The following RARA variants were observed in gnomAD, a reference collection of about 807,000 sequenced individuals.
RARA encodes the protein retinoic acid receptor alpha, also known as PML-DDX5-RARA fusion.
A neutral mutation model predicts 42.8 loss-of-function variants in RARA; 5 were observed. That is an observed-to-expected ratio of 0.12 (90% CI 0.06 to 0.25). RARA has a LOEUF of 0.25. RARA is among the 10% of genes least tolerant of loss of function. The probability of loss-of-function intolerance (pLI) is 1.00; values close to 1 mark genes in which losing one functional copy is unlikely to be tolerated. For missense variants in RARA, 402 were observed against 628.7 expected (o/e 0.64, Z 3.86); for synonymous variants, 256 against 259.5 (o/e 0.99, Z 0.13).
At chr17:40,353,711 C>T (rs959393094) in intron 6 of RARA, among the ~76,000 whole-genome samples, 2 of 152,170 alleles carry the variant, frequency 1.3e-5, no homozygotes, top group Non-Finnish European at 2.9e-5. Flanking sequence ...CCGCGTGAGC[C>T]GGCAGACTGT....
At chr17:40,347,231 G>T (rs2034295924) in intron 2 of RARA, among the ~76,000 whole-genome samples, 1 of 152,152 alleles carries the variant, frequency 6.6e-6, no homozygotes, top group Non-Finnish European at 1.5e-5. Context: ...TGTCTACCTA[G>T]GGAGGCATCC....
intron 4 of RARA, chr17:40,350,194 G>C (rs753028025): frequency 6.0e-5 from 29 of 485,106 alleles, no homozygotes; most frequent in Non-Finnish European, 1.0e-4. Flanking sequence ...GTGTGTGCTT[G>C]CGTATGTGTG....
chr17:40,324,674 G>C (rs1192218158), intron 1 of RARA, among the ~76,000 whole-genome samples: 4 of 152,144 alleles, frequency 2.6e-5, no homozygotes, highest in Admixed American at 1.3e-4. Context: ...TGGAGTACAA[G>C]CTGTGGAGAC....
In RARA at chr17:40,345,005, G is replaced by C. The variant is rs1424759510; in HGVS notation, c.179-3311G>C. 6.6e-6 allele frequency among the ~76,000 whole-genome samples: 1 copy of C among 152,212 alleles called. No individual in the cohort carries two copies. Among genetic ancestry groups the C allele is most frequent in the Non-Finnish European group, 1.5e-5 (1 of 68,020 alleles). ...ACTGCCACTGAAGGTGGGAAGAGCA[G>C]GTTGGCTCTGGGAGGAGGTGGCCTG... On this transcript the variant is annotated intron_variant, in intron 2 of 8. Transcript: ENST00000254066. The surrounding 1 kb of genome is among the most constrained non-coding windows in gnomAD (Gnocchi z 4.8).
intron 2 of RARA, among the ~76,000 whole-genome samples, chr17:40,338,337 G>A: frequency 6.6e-6 from 1 of 152,174 alleles, no homozygotes; most frequent in East Asian, 1.9e-4. Context: ...GCGAGGGATT[G>A]GGCCTCCCAG....
At position 40,331,175 on chromosome 17, in the gene RARA, C is replaced by A. The variant is rs1567751254; in HGVS notation, c.-44C>A. 10 of 1,550,422 alleles carry A rather than the reference C, an allele frequency of 6.4e-6. No homozygotes were observed. Among genetic ancestry groups the A allele is most frequent in the Non-Finnish European group, 8.7e-6 (10 of 1,148,980 alleles). The stretch of plus-strand genomic sequence containing the variant: ...GGGTGGTCTGAAGCCCACCAGAGCC[C>A]CCTGCCAGACTGTCTGCCTCCCTTC... On this transcript the variant is annotated 5_prime_UTR_variant, in exon 2 of 9. Transcript: ENST00000254066.
Position 40,320,677 on chromosome 17 carries a change from C to G in RARA, c.-362-10180C>G, listed in dbSNP as rs1338876996. On this transcript the variant is annotated intron_variant, in intron 1 of 8. Coordinates refer to ENST00000254066, the MANE Select transcript of RARA (RefSeq NM_000964.4). The surrounding 1 kb of genome is among the most constrained non-coding windows in gnomAD (Gnocchi z 4.1). ...TGTCCCAAAATACAAACCCCAATGC[C>G]CAGTTTCCAGTCCTCTTGGAAGCAT... is the stretch of plus-strand genomic sequence containing the variant. 1.3e-5 allele frequency among the ~76,000 whole-genome samples: 2 copies of G among 152,184 alleles called. No individual in the cohort carries two copies. Among genetic ancestry groups the G allele is most frequent in the Non-Finnish European group, 2.9e-5 (2 of 68,034 alleles).
At chr17:40,333,795 C>G (rs2033768957) in intron 2 of RARA, among the ~76,000 whole-genome samples, 1 of 152,250 alleles carries the variant, frequency 6.6e-6, no homozygotes, top group Middle Eastern at 3.4e-3. Flanking sequence ...TGCCACCACA[C>G]CAGGCTGATT....
intron 1 of RARA, among the ~76,000 whole-genome samples, chr17:40,324,658 G>A (rs2033486762): frequency 6.6e-6 from 1 of 152,168 alleles, no homozygotes; most frequent in Non-Finnish European, 1.5e-5. Flanking sequence ...AAAACCCTGG[G>A]CTGAGTGGAG....
intron 1 of RARA, among the ~76,000 whole-genome samples, chr17:40,315,397 G>T (rs1241476768): frequency 1.3e-5 from 2 of 151,766 alleles, no homozygotes; most frequent in Non-Finnish European, 2.9e-5. Context: ...GTTGAGGAAG[G>T]CAATTTTCTT....
In RARA at chr17:40,326,264, C is replaced by A. The variant is rs531855969; in HGVS notation, c.-362-4593C>A. Among the ~76,000 whole-genome samples the A allele has an allele frequency of 6.6e-6, 1 of 152,348 alleles. No individual in the cohort carries two copies. Among genetic ancestry groups the A allele is most frequent in the East Asian group, 1.9e-4 (1 of 5,190 alleles). ...TTGCCCGGGCCTCCCCTGTGCCAAG[C>A]TCTGGTCTGGGTGCTTTCCAGGACT... On this transcript the variant is annotated intron_variant, in intron 1 of 8. Transcript: ENST00000254066. This position sits in a 1 kb window ranked among gnomAD's most constrained non-coding sequence, Gnocchi z 5.2.
intron 3 of RARA, 167 bp from the exon 4 acceptor site, chr17:40,349,617 T>C (rs1298065469): frequency 3.8e-6 from 3 of 783,076 alleles, no homozygotes; most frequent in Non-Finnish European, 6.0e-6. Context: ...GGAGGATCCT[T>C]TTAGGTGAAT....
intron 2 of RARA, chr17:40,342,651 C>A (rs553022055): frequency 7.1e-6 from 11 of 1,555,972 alleles, no homozygotes; most frequent in Non-Finnish European, 9.6e-6. Context: ...GGCTGAGTGA[C>A]GGGGGCGGCG....
At chr17:40,332,276 T>C (rs977355685) in intron 2 of RARA, among the ~76,000 whole-genome samples, 4 of 152,000 alleles carry the variant, frequency 2.6e-5, no homozygotes, top group African/African-American at 9.7e-5. Context: ...GGGCCTGGCC[T>C]GGGACGGGAG....
At chr17:40,335,077 G>A (rs888019074) in intron 2 of RARA, among the ~76,000 whole-genome samples, 11 of 152,188 alleles carry the variant, frequency 7.2e-5, no homozygotes, top group Admixed American at 5.2e-4. Flanking sequence ...GTGGGGTCAC[G>A]GTTGGGTGTG....
chr17:40,334,826 C>G (rs1333525708), intron 2 of RARA, among the ~76,000 whole-genome samples: 1 of 152,216 alleles, frequency 6.6e-6, no homozygotes, highest in Admixed American at 6.5e-5. Flanking sequence ...CATTAGGTGG[C>G]CTGGGTGCGC....
In RARA at chr17:40,320,985, C is replaced by A. The variant is rs1166819147; in HGVS notation, c.-362-9872C>A. ...TGGGAAAGGAGTATGGCAACTGATA[C>A]CCCGGCTCCCAGGGCTTTGGCTGAA... is the stretch of plus-strand genomic sequence containing the variant. On this transcript the variant is annotated intron_variant, in intron 1 of 8. Coordinates refer to ENST00000254066, the MANE Select transcript of RARA (RefSeq NM_000964.4). The surrounding 1 kb of genome is among the most constrained non-coding windows in gnomAD (Gnocchi z 4.1). Among the ~76,000 whole-genome samples the A allele has an allele frequency of 6.6e-6, 1 of 152,132 alleles. No individual in the cohort carries two copies. The highest frequency in any genetic ancestry group is 1.5e-5 in the Non-Finnish European group (1 of 68,022).
intron 4 of RARA, among the ~76,000 whole-genome samples, chr17:40,350,893 C>T (rs1314366276): frequency 6.6e-6 from 1 of 151,984 alleles, no homozygotes; most frequent in Admixed American, 6.6e-5. Context: ...AGGGCTGTCA[C>T]CTCCTCCTCT....
At chr17:40,353,802 T>A (rs1352231981) in intron 6 of RARA, among the ~76,000 whole-genome samples, 2 of 152,076 alleles carry the variant, frequency 1.3e-5, no homozygotes, top group African/African-American at 4.8e-5. Flanking sequence ...GGGGCTCCCA[T>A]CCCCATGCCG....
Sources: allele counts gnomAD v4.1 joint callset (sites outside exome capture counted in the v4.1 genomes callset), GRCh38; gene constraint gnomAD v4.1.1; non-coding constraint Gnocchi (gnomAD v3.1); transcripts MANE v1.5; gene names NCBI Gene and HGNC (gene_info 2026-07-23, HGNC 2026-07-21).